The following CDH13 variants were observed in gnomAD, a reference collection of about 807,000 sequenced individuals.
CDH13 encodes cadherin-13.
A neutral mutation model predicts 63.8 loss-of-function variants in CDH13; 24 were observed. The observed-to-expected ratio is 0.38, with a 90% confidence interval of 0.27 to 0.53. CDH13 has a LOEUF of 0.53. Among genes scored for constraint, CDH13 ranks in the 20% least tolerant of loss-of-function variants. The pLI is 0.85. For synonymous variants in CDH13, 503 were observed against 355.3 expected, an observed-to-expected ratio of 1.42 and a Z score of -4.67; for missense variants, 1,049 against 903.1, an observed-to-expected ratio of 1.16 and a Z score of -2.07.
intron 2 of CDH13, among the ~76,000 whole-genome samples, chr16:83,002,163 G>T (rs955146288): frequency 4.6e-5 from 7 of 152,262 alleles, no homozygotes; most frequent in African/African-American, 1.7e-4. Context: ...GACCTTCTTT[G>T]GAAAAAGGGT....
chr16:83,103,243 C>CTTTTTTTTT (rs35812420), intron 3 of CDH13, among the ~76,000 whole-genome samples: 82 of 91,210 alleles, frequency 9.0e-4, no homozygotes, highest in African/African-American at 2.5e-3. Flanking sequence ...GTTAACTGAA[C>CTTTTTTTTT]TTTTTTTTTT....
At chr16:83,057,873 C>G (rs2031109662) in intron 3 of CDH13, among the ~76,000 whole-genome samples, 1 of 152,126 alleles carries the variant, frequency 6.6e-6, no homozygotes, top group Non-Finnish European at 1.5e-5. Context: ...ACGCTTAAAC[C>G]TGCACACAGT....
rs141292046 is a variant in CDH13, at chr16:82,633,532, C to A, written c.45+6395C>A. On this transcript the variant is annotated intron_variant, in intron 1 of 13. Coordinates refer to ENST00000567109, the MANE Select transcript of CDH13 (RefSeq NM_001257.5). ...TAGCTGGGATTACAGGTGCCCGCCA[C>A]CAGGCCTGGCTAACTTTTTTATTTT... 2.7e-3 allele frequency among the ~76,000 whole-genome samples: 410 copies of A among 152,288 alleles called. 3 individuals are homozygous for A. Among genetic ancestry groups the A allele is most frequent in the African/African-American group, 9.5e-3 (394 of 41,558 alleles).
Position 83,678,241 on chromosome 16 carries a change from C to T in CDH13, c.1318C>T (p.Leu440=), listed in dbSNP as rs1395297662. The stretch of plus-strand genomic sequence containing the variant: ...CTATGAAATTTCTGCCTTCCACACC[C>T]TGCTGATCAAAGTGGAAAATGAAGA... The part of the protein sequence containing the change: ...LDYEISAFHT[L]LIKVENEDPL... Residue 440 remains leucine, a synonymous_variant, in exon 10 of 14, where the codon CTG becomes TTG. Transcript: ENST00000567109. 6.2e-7 allele frequency: 1 copy of T among 1,613,752 alleles called. No individual in the cohort carries two copies. The highest frequency in any genetic ancestry group is 1.3e-5 in the African/African-American group (1 of 74,908).
At position 83,796,161 on chromosome 16, in the gene CDH13, A is replaced by T. The variant is rs1904279850; in HGVS notation, c.*1131A>T. On this transcript the variant is annotated 3_prime_UTR_variant, in exon 14 of 14. Coordinates refer to ENST00000567109, the MANE Select transcript of CDH13 (RefSeq NM_001257.5). ...TATGTATGAAAAGTAACTGATTTGT[A>T]TTCTGTGAGCATGTAAAAGCGGAAA... is the stretch of plus-strand genomic sequence containing the variant. 6.6e-6 allele frequency: 1 copy of T among 152,594 alleles called. No individual in the cohort carries two copies. Among genetic ancestry groups the T allele is most frequent in the Non-Finnish European group, 1.5e-5 (1 of 68,046 alleles). 9.5% of individuals were successfully genotyped at this position (152,594 alleles called of 1,614,324 possible).
chr16:83,480,742 G>C (rs74032575), intron 6 of CDH13, among the ~76,000 whole-genome samples: 5,878 of 152,246 alleles, frequency 0.039, 395 homozygotes, highest in African/African-American at 0.13. Flanking sequence ...GAACTATCTG[G>C]TTCTCATTTG....
At chr16:83,319,066 C>A (rs1023609603) in intron 5 of CDH13, among the ~76,000 whole-genome samples, 2 of 151,322 alleles carry the variant, frequency 1.3e-5, no homozygotes, top group South Asian at 2.1e-4. Context: ...AATAGATGCA[C>A]CTGCAAGTGA....
At chr16:83,588,969 C>T (rs1906449327) in intron 7 of CDH13, among the ~76,000 whole-genome samples, 1 of 152,122 alleles carries the variant, frequency 6.6e-6, no homozygotes, top group Non-Finnish European at 1.5e-5. Flanking sequence ...CCTGTGGCTT[C>T]CATAACAAAT....
chr16:83,518,336 G>T (rs921108873), intron 7 of CDH13, among the ~76,000 whole-genome samples: 1 of 151,456 alleles, frequency 6.6e-6, no homozygotes, highest in East Asian at 1.9e-4. Flanking sequence ...TAGTAGAGAC[G>T]GGGTTTCATC....
chr16:82,805,675 G>T (rs560458444), intron 1 of CDH13, among the ~76,000 whole-genome samples: 5 of 152,158 alleles, frequency 3.3e-5, no homozygotes, highest in African/African-American at 1.2e-4. Flanking sequence ...CTAGGTGTGG[G>T]TGTCTGATTT....
intron 5 of CDH13, among the ~76,000 whole-genome samples, chr16:83,228,789 C>A (rs114619134): frequency 6.6e-6 from 1 of 152,066 alleles, no homozygotes; most frequent in Non-Finnish European, 1.5e-5. Flanking sequence ...GATACTCCTG[C>A]GGCGAAAGGG....
At chr16:83,655,488 A>T (rs1912789605) in intron 8 of CDH13, among the ~76,000 whole-genome samples, 1 of 152,186 alleles carries the variant, frequency 6.6e-6, no homozygotes, top group Admixed American at 6.5e-5. Context: ...TGAAGACAAG[A>T]GTCTGTCAGA....
intron 5 of CDH13, among the ~76,000 whole-genome samples, chr16:83,304,307 G>A (rs1054782523): frequency 1.3e-5 from 2 of 152,160 alleles, no homozygotes; most frequent in African/African-American, 4.8e-5. Flanking sequence ...AATGGAAAGG[G>A]GAGTGAGGCA....
intron 7 of CDH13, among the ~76,000 whole-genome samples, chr16:83,539,961 C>T (rs1166158592): frequency 2.6e-5 from 4 of 152,028 alleles, no homozygotes; most frequent in Admixed American, 6.6e-5. Flanking sequence ...GGAACTCATT[C>T]TTTGACTTTA....
chr16:83,770,543 G>C (rs1237807652), intron 11 of CDH13, among the ~76,000 whole-genome samples: 1 of 152,172 alleles, frequency 6.6e-6, no homozygotes, highest in Non-Finnish European at 1.5e-5. Context: ...AGTATATTAG[G>C]AATGTAAAGG....
chr16:83,400,274 A>AT (rs1462561075), intron 6 of CDH13, among the ~76,000 whole-genome samples: 1 of 152,048 alleles, frequency 6.6e-6, no homozygotes, highest in African/African-American at 2.4e-5. Flanking sequence ...CTCGTTGTAA[A>AT]TTTTCTCACA....
chr16:82,819,791 A>G (rs2037912714), intron 1 of CDH13, among the ~76,000 whole-genome samples: 1 of 152,222 alleles, frequency 6.6e-6, no homozygotes, highest in African/African-American at 2.4e-5. Flanking sequence ...ATGAATAAAT[A>G]CGGCAAAGAT....
intron 1 of CDH13, among the ~76,000 whole-genome samples, chr16:82,717,016 G>A (rs544690105): frequency 6.6e-6 from 1 of 152,060 alleles, no homozygotes; most frequent in Non-Finnish European, 1.5e-5. Flanking sequence ...TTTGGGGAAT[G>A]AGCTGAGCTT....
At chr16:82,739,263 T>C (rs16958428) in intron 1 of CDH13, among the ~76,000 whole-genome samples, 9,509 of 152,274 alleles carry the variant, frequency 0.062, 325 homozygotes, top group African/African-American at 0.072. Context: ...TATGCCCTTA[T>C]GTGTGATTTA....
Sources: gnomAD v4.1 joint callset for allele counts (sites outside exome capture counted in the v4.1 genomes callset) on GRCh38, gnomAD v4.1.1 for gene constraint, MANE v1.5 for transcripts, NCBI Gene and HGNC (gene_info 2026-07-23, HGNC 2026-07-21) for gene names.